LRP1B: variants seen among roughly 807,000 people sequenced by gnomAD.
LRP1B encodes low-density lipoprotein receptor-related protein 1B.
Under a neutral mutation model 556.6 loss-of-function variants are expected in LRP1B, and 217 were observed. The observed-to-expected ratio is 0.39, with a 90% CI of 0.35 to 0.44. The LOEUF (loss-of-function observed/expected upper bound fraction) is 0.44, where lower values mean the gene tolerates loss of function less well. Among genes scored for constraint, LRP1B ranks in the 20% least tolerant of loss-of-function variants. LRP1B has a pLI of 1.00. For synonymous variants in LRP1B, 2,047 were observed against 1,865.8 expected (o/e 1.10, Z -2.50); for missense variants, 5,053 against 5,620.8 (o/e 0.90, Z 3.23).
chr2:140,894,907 C>T (rs1433614260), intron 23 of LRP1B, among the ~76,000 whole-genome samples: 1 of 150,740 alleles, frequency 6.6e-6, no homozygotes, highest in East Asian at 2.0e-4. Context: ...CGTGCCACTG[C>T]ACTCCAGCCT....
At chr2:141,471,276 T>TGTTTGTTTTTG (rs1553518984) in intron 3 of LRP1B, among the ~76,000 whole-genome samples, 2 of 44,304 alleles carry the variant, frequency 4.5e-5, no homozygotes, top group Non-Finnish European at 1.2e-4. Context: ...GTATTTTTTT[T>TGTTTGTTTTTG]TTTTTTTTTT....
chr2:141,718,673 T>C (rs1194450610), intron 2 of LRP1B, among the ~76,000 whole-genome samples: 1 of 152,170 alleles, frequency 6.6e-6, no homozygotes, highest in Admixed American at 6.5e-5. Context: ...AGCAATGGTA[T>C]GAAAGGTTGA....
At chr2:140,471,800 CT>C (rs1687780824) in intron 60 of LRP1B, among the ~76,000 whole-genome samples, 2 of 152,206 alleles carry the variant, frequency 1.3e-5, no homozygotes, top group African/African-American at 4.8e-5. Flanking sequence ...GCATACAAGG[CT>C]TGTGACAATC....
chr2:140,954,530 T>C (rs1313920571), intron 18 of LRP1B, among the ~76,000 whole-genome samples: 2 of 152,066 alleles, frequency 1.3e-5, no homozygotes, highest in African/African-American at 4.8e-5. Context: ...CTTTTGAAAC[T>C]GATGATACTT....
chr2:141,960,137 A>G (rs1701360507), intron 1 of LRP1B, among the ~76,000 whole-genome samples: 1 of 151,864 alleles, frequency 6.6e-6, no homozygotes, highest in African/African-American at 2.4e-5. Context: ...CTGTGAGAGT[A>G]GCTGTGAGAG....
intron 3 of LRP1B, among the ~76,000 whole-genome samples, chr2:141,475,692 G>A (rs6725282): frequency 0.51 from 77,845 of 151,822 alleles, 20,199 homozygotes; most frequent in Non-Finnish European, 0.55. Context: ...AAGCAGCAGA[G>A]CAACAGAGTG....
chr2:142,008,220 G>A lies in LRP1B; in HGVS notation c.82+122428C>T, dbSNP rs547278628. ...TTTCACCACTAAGCTAAGATCCTCTGTCTTCTATAGCTTGACTCCCTGTGC... is the reference window on the plus strand; with the variant it reads ...TTTCACCACTAAGCTAAGATCCTCTATCTTCTATAGCTTGACTCCCTGTGC... On this transcript the variant is annotated intron_variant, in intron 1 of 90. Transcript: ENST00000389484. 6.0e-4 allele frequency among the ~76,000 whole-genome samples: 92 copies of A among 152,286 alleles called. 2 individuals carry two copies. Among genetic ancestry groups the A allele is most frequent in the African/African-American group, 2.1e-3 (86 of 41,568 alleles).
At chr2:141,455,807 C>T (rs1375535493) in intron 3 of LRP1B, among the ~76,000 whole-genome samples, 1 of 152,060 alleles carries the variant, frequency 6.6e-6, no homozygotes, top group Non-Finnish European at 1.5e-5. Flanking sequence ...AATGCTTTTG[C>T]CATTTAAACT....
chr2:140,607,320 A>T (rs1682903831), intron 41 of LRP1B, among the ~76,000 whole-genome samples: 1 of 152,142 alleles, frequency 6.6e-6, no homozygotes, highest in Non-Finnish European at 1.5e-5. Context: ...GATGGTGGAA[A>T]TGTAAAATGG....
intron 59 of LRP1B, among the ~76,000 whole-genome samples, chr2:140,477,755 T>G (rs1266058426): frequency 6.6e-6 from 1 of 152,184 alleles, no homozygotes. Context: ...ATTATTTTCA[T>G]GAAGTCCAAC....
chr2:140,250,065 C>T (rs1681339395), intron 86 of LRP1B, among the ~76,000 whole-genome samples: 1 of 151,774 alleles, frequency 6.6e-6, no homozygotes, highest in South Asian at 2.1e-4. Context: ...TGTACTATTG[C>T]AATCCACTAT....
chr2:142,044,803 C>CA (rs1340986829), intron 1 of LRP1B, among the ~76,000 whole-genome samples: 1 of 151,346 alleles, frequency 6.6e-6, no homozygotes, highest in Non-Finnish European at 1.5e-5. Flanking sequence ...TAACGGTTAA[C>CA]AAAAAAGGAA....
intron 1 of LRP1B, among the ~76,000 whole-genome samples, chr2:141,858,036 A>C (rs1698118122): frequency 6.6e-6 from 1 of 152,190 alleles, no homozygotes; most frequent in Non-Finnish European, 1.5e-5. Context: ...TATGATATAA[A>C]GTTAAAAATG....
chr2:142,015,686 C>T (rs1395931581), intron 1 of LRP1B, among the ~76,000 whole-genome samples: 1 of 151,930 alleles, frequency 6.6e-6, no homozygotes, highest in Admixed American at 6.6e-5. Context: ...AAGAAAAAAT[C>T]AACCCCATCA....
intron 82 of LRP1B, among the ~76,000 whole-genome samples, chr2:140,321,366 GTTAGTTT>G (rs1372500993): frequency 9.2e-5 from 14 of 151,558 alleles, no homozygotes; most frequent in South Asian, 8.3e-4. Flanking sequence ...TTTTGTTTCT[GTTAGTTT>G]TTAGTTTTTA....
chr2:140,316,486 AT>A (rs773954338), intron 82 of LRP1B, among the ~76,000 whole-genome samples: 12 of 152,126 alleles, frequency 7.9e-5, no homozygotes, highest in Non-Finnish European at 1.8e-4. Context: ...TTTCTAATAC[AT>A]TGTCATGTAG....
intron 1 of LRP1B, among the ~76,000 whole-genome samples, chr2:142,042,778 C>A (rs886430461): frequency 4.0e-5 from 6 of 151,558 alleles, no homozygotes; most frequent in African/African-American, 1.5e-4. Flanking sequence ...GGGAATTTAT[C>A]CAGGGATAGA....
rs553065012 is a variant in LRP1B at position 140,884,031 on chromosome 2, A to G, written c.3965-10T>C. 4 of 1,611,528 alleles carry G rather than the reference A, an allele frequency of 2.5e-6. No homozygotes were observed. The South Asian group carries it at 4.4e-5, about 18-fold the overall frequency. On this transcript the variant is annotated splice_polypyrimidine_tract_variant and intron_variant, in intron 24 of 90. Transcript: ENST00000389484. Reference sequence around the variant, plus strand: ...TCAATGGCACTGACACCTACAAAAGAAGGAAAACCAACATGTGCACCCATT... The same window carrying G: ...TCAATGGCACTGACACCTACAAAAGGAGGAAAACCAACATGTGCACCCATT...
chr2:140,573,389 G>T (rs1369209017), intron 43 of LRP1B, among the ~76,000 whole-genome samples: 2 of 151,858 alleles, frequency 1.3e-5, no homozygotes, highest in Non-Finnish European at 3.0e-5. Context: ...AGAATTACTT[G>T]TCAGTGTTTA....
Sources: gnomAD v4.1 joint callset for allele counts (sites outside exome capture counted in the v4.1 genomes callset) on GRCh38, gnomAD v4.1.1 for gene constraint, MANE v1.5 for transcripts, NCBI Gene and HGNC (gene_info 2026-07-23, HGNC 2026-07-21) for gene names.